The following MYO1C variants were observed in gnomAD, a reference collection of about 807,000 sequenced individuals.
The protein encoded by MYO1C is unconventional myosin-Ic.
In MYO1C, 104 loss-of-function variants were observed where a neutral mutation model predicts 150.8. The ratio of observed to expected loss-of-function variants is 0.69; its 90% CI spans 0.59 to 0.81. The LOEUF (loss-of-function observed/expected upper bound fraction) is 0.81, where lower values mean the gene tolerates loss of function less well. Ranked by LOEUF, MYO1C falls within the 30% of genes least tolerant of loss-of-function variation. The pLI is 0.00. For missense variants in MYO1C, 1,504 were observed against 1,435.0 expected (o/e 1.05, Z -0.78); for synonymous variants, 663 against 579.9 (o/e 1.14, Z -2.06).
intron 15 of MYO1C, 38 bp downstream of exon 15, chr17:1,474,900 C>G: frequency 6.2e-7 from 1 of 1,612,754 alleles, no homozygotes; most frequent in South Asian, 1.1e-5. Flanking sequence ...AGAGCCTCCC[C>G]GCAGGCCCCT....
In MYO1C at chr17:1,471,920, C is replaced by A. The variant is rs372661616; in HGVS notation, c.2008G>T (p.Ala670Ser). The A allele has an allele frequency of 1.9e-6, 3 of 1,614,004 alleles. No homozygotes were observed. The African/African-American group carries it at 4.0e-5, about 22-fold the overall frequency. The change falls in exon 19 of 32, where the codon GCT becomes TCT. Residue 670 changes from alanine to serine, a missense_variant. Coordinates refer to ENST00000648651, the MANE Select transcript of MYO1C (RefSeq NM_001080779.2). ...AGFAYRRKYE[A>S]FLQRYKSLCP... ...ACCTGCCCCCACCTTTGCAGGAAAG[C>A]TTCGTATTTGCGGCGATAGGCAAAG...
At chr17:1,469,762 C>T (rs774905395) in intron 24 of MYO1C, 148 bp from the exon 25 acceptor site, 26 of 755,962 alleles carry the variant, frequency 3.4e-5, no homozygotes, top group Non-Finnish European at 4.7e-5. Context: ...CGGCAGGGCG[C>T]GGTGGCTCAC....
Position 1,471,086 on chromosome 17 carries a change from G to C in MYO1C, c.2197C>G (p.Arg733Gly). 1 of 1,614,108 alleles carries C rather than the reference G, an allele frequency of 6.2e-7. No individual in the cohort carries two copies. Among genetic ancestry groups the C allele is most frequent in the Non-Finnish European group, 8.5e-7 (1 of 1,179,984 alleles). ...LFATEDALEV[R>G]RQSLATKIQA... Reference sequence around the variant, plus strand: ...TCTCTCTCACCCAGGCTCTGCCGCCGGACCTCCAGGGCATCCTCTGTGGCA... The same window carrying C: ...TCTCTCTCACCCAGGCTCTGCCGCCCGACCTCCAGGGCATCCTCTGTGGCA... Residue 733 changes from arginine to glycine, a missense_variant, in exon 21 of 32, where the codon CGG becomes GGG. Coordinates refer to ENST00000648651, the MANE Select transcript of MYO1C (RefSeq NM_001080779.2).
intron 31 of MYO1C, among the ~76,000 whole-genome samples, 197 bp from the exon 32 acceptor site, chr17:1,465,949 G>A (rs1439544490): frequency 6.6e-6 from 1 of 151,720 alleles, no homozygotes. Context: ...TTACAGGCGT[G>A]AGCCGCCGCA....
Position 1,479,610 on chromosome 17 carries a change from C to T in MYO1C, c.1002G>A (p.Gln334=), listed in dbSNP as rs776628841. 3.1e-6 allele frequency: 5 copies of T among 1,613,190 alleles called. No individual in the cohort carries two copies. Among genetic ancestry groups the T allele is most frequent in the East Asian group, 4.5e-5 (2 of 44,868 alleles). Residue 334 remains glutamine, a synonymous_variant, in exon 8 of 32, where the codon CAG becomes CAA. Coordinates refer to ENST00000648651, the MANE Select transcript of MYO1C (RefSeq NM_001080779.2). This position sits in a 1 kb window ranked among gnomAD's most constrained non-coding sequence, Gnocchi z 4.2. ...ESNAQVTTEN[Q]LKYLTRLLSV... ...CACTCACCCTGGTCAGATACTTGAG[C>T]TGGTTCTCGGTGGTGACCTGGGCAT...
chr17:1,489,036 G>T lies in MYO1C; in HGVS notation c.75+3377C>A, dbSNP rs1055669888. On this transcript the variant is annotated intron_variant, in intron 1 of 31. Coordinates refer to ENST00000648651, the MANE Select transcript of MYO1C (RefSeq NM_001080779.2). ...CTTGCCATGGGGTAGGGGTGTTGGG[G>T]GCTGGGAGGAGGTGTCATCTGAGGC... Among the ~76,000 whole-genome samples the T allele has an allele frequency of 2.0e-5, 3 of 152,162 alleles. No individual in the cohort carries two copies. The South Asian group carries it at 6.2e-4, about 32-fold the overall frequency.
rs1407804129 is a variant in MYO1C at position 1,470,260 on chromosome 17, G to C, written c.2441C>G (p.Thr814Ser). The C allele has an allele frequency of 2.5e-6, 4 of 1,605,376 alleles. No individual in the cohort carries two copies. Among genetic ancestry groups the C allele is most frequent in the Non-Finnish European group, 3.4e-6 (4 of 1,176,560 alleles). ...CCGCCTCAGGTTTAGCAAAAAAGAGGTGCGCACATGGTCCAGGAAGAAGGC... is the reference window on the plus strand; with the variant it reads ...CCGCCTCAGGTTTAGCAAAAAAGAGCTGCGCACATGGTCCAGGAAGAAGGC... ...ENAFFLDHVR[T>S]SFLLNLRRQL... The change falls in exon 24 of 32, where the codon ACC becomes AGC. Residue 814 changes from threonine to serine, a missense_variant. Transcript: ENST00000648651.
At chr17:1,477,259 A>G (rs2150949806) in intron 14 of MYO1C, 1 of 537,844 alleles carries the variant, frequency 1.9e-6, no homozygotes, top group South Asian at 2.2e-5. Flanking sequence ...GCTCACTGCA[A>G]CCTCAAAACT....
intron 1 of MYO1C, chr17:1,485,357 T>TGGCCTGGGGTGTCACTCAGGGCCC: frequency 1.9e-6 from 2 of 1,076,046 alleles, no homozygotes; most frequent in Non-Finnish European, 2.3e-6. Context: ...CCCAGATTTC[T>TGGCCTGGGGTGTCACTCAGGGCCC]GGCCGGGGGC....
At position 1,467,913 on chromosome 17, in the gene MYO1C, G is replaced by A. The variant is rs987440363; in HGVS notation, c.2897-3C>T. 6.2e-7 allele frequency: 1 copy of A among 1,612,244 alleles called. No homozygotes were observed. The highest frequency in any genetic ancestry group is 1.3e-5 in the African/African-American group (1 of 74,322). ...GCTCAGGCTGCTGACAGAGATTCCTGAGGGGAGAGGGCAAAGGTCAGAGGT... is the reference window on the plus strand; with the variant it reads ...GCTCAGGCTGCTGACAGAGATTCCTAAGGGGAGAGGGCAAAGGTCAGAGGT... On this transcript the variant is annotated splice_polypyrimidine_tract_variant and splice_region_variant and intron_variant, in intron 28 of 31. Transcript: ENST00000648651.
Position 1,464,838 on chromosome 17 carries a change from A to C in MYO1C, c.*888T>G, listed in dbSNP as rs1299027757. 1 of 143,878 alleles carries C rather than the reference A, an allele frequency of 7.0e-6. No homozygotes were observed. The highest frequency in any genetic ancestry group is 1.5e-5 in the Non-Finnish European group (1 of 66,630). The allele number at this position is 143,878 out of a possible 1,614,324, so 8.9% of individuals were successfully genotyped here. ...TTCTTTTTTTTTTTTTTTAAGACGG[A>C]GTCTCGCTCTGTTGCCCAGGCTGGA... is the stretch of plus-strand genomic sequence containing the variant. On this transcript the variant is annotated 3_prime_UTR_variant, in exon 32 of 32. Transcript: ENST00000648651.
Position 1,469,489 on chromosome 17 carries a change from T to A in MYO1C, c.2610+42A>T, listed in dbSNP as rs2074253874. Reference sequence around the variant, plus strand: ...CCTTTGAGCAATGCTTGCGACTCCCTGACTCCACTTCCTCATCCTCACCCA... The same window carrying A: ...CCTTTGAGCAATGCTTGCGACTCCCAGACTCCACTTCCTCATCCTCACCCA... On this transcript the variant is annotated intron_variant, in intron 25 of 31. Transcript: ENST00000648651. The A allele has an allele frequency of 9.8e-6, 15 of 1,531,436 alleles. No homozygotes were observed. The South Asian group carries it at 1.7e-4, about 18-fold the overall frequency. The allele number at this position is 1,531,436 out of a possible 1,614,324, so 94.9% of individuals were successfully genotyped here.
rs1250506410 is a variant in MYO1C, at chr17:1,482,908, C to T, written c.499G>A (p.Gly167Arg). 8 of 1,611,824 alleles carry T rather than the reference C, an allele frequency of 5.0e-6. No homozygotes were observed. The highest frequency in any genetic ancestry group is 4.5e-5 in the East Asian group (2 of 44,858). The change falls in exon 4 of 32, where the codon GGA becomes AGA. Residue 167 changes from glycine to arginine, a missense_variant. Transcript: ENST00000648651. The stretch of plus-strand genomic sequence containing the variant: ...AGCAGCCGGTCCCGCACGGCACCTC[C>T]GCGCTCGGGGGCTGGGCAGGTCTCT... ...YAETCPAPER[G>R]GAVRDRLLQS...
chr17:1,489,383 A>G (rs903169480), intron 1 of MYO1C, among the ~76,000 whole-genome samples: 1 of 152,220 alleles, frequency 6.6e-6, no homozygotes, highest in Non-Finnish European at 1.5e-5. Flanking sequence ...AGCAAACGTG[A>G]ACAGAGGCAA....
chr17:1,471,421 G>A, intron 19 of MYO1C, 85 bp from the exon 20 acceptor site: 2 of 1,129,818 alleles, frequency 1.8e-6, no homozygotes, highest in Non-Finnish European at 1.3e-6. Flanking sequence ...GCACCTGCTG[G>A]GTGCTCCCAC....
rs1023168912 is a variant in MYO1C at position 1,470,604 on chromosome 17, C to T, written c.2281+17G>A. The T allele has an allele frequency of 1.7e-5, 28 of 1,610,096 alleles. No homozygotes were observed. The highest frequency in any genetic ancestry group is 1.9e-5 in the Non-Finnish European group (22 of 1,178,578). Reference sequence around the variant, plus strand: ...CCCCAGACCCCGCCCCTCCTGAACACCCATGGGCCCGCGAACCTGATCTCT... The same window carrying T: ...CCCCAGACCCCGCCCCTCCTGAACATCCATGGGCCCGCGAACCTGATCTCT... On this transcript the variant is annotated intron_variant, in intron 22 of 31. Transcript: ENST00000648651.
At position 1,469,515 on chromosome 17, in the gene MYO1C, G is replaced by T; in HGVS notation, c.2610+16C>A. 1 of 1,597,062 alleles carries T rather than the reference G, an allele frequency of 6.3e-7. No individual in the cohort carries two copies. Among genetic ancestry groups the T allele is most frequent in the Non-Finnish European group, 8.5e-7 (1 of 1,169,798 alleles). On this transcript the variant is annotated intron_variant, in intron 25 of 31. Transcript: ENST00000648651. ...GACTCCACTTCCTCATCCTCACCCA[G>T]CCCCGCTCTCCGTACCTGCTGCTTC... is the stretch of plus-strand genomic sequence containing the variant.
chr17:1,467,801 C>A (rs780708656), intron 29 of MYO1C, 39 bp downstream of exon 29: 2 of 999,656 alleles, frequency 2.0e-6, no homozygotes, highest in East Asian at 2.6e-5. Context: ...ATCTACCTCC[C>A]CCATCCCCCA....
At position 1,471,100 on chromosome 17, in the gene MYO1C, T is replaced by C. The variant is rs771875167; in HGVS notation, c.2183A>G (p.Asp728Gly). Residue 728 changes from aspartate to glycine, a missense_variant, in exon 21 of 32, where the codon GAT becomes GGT. Physicochemically the swap from Asp to Gly is moderately conservative, Grantham distance 94. Coordinates refer to ENST00000648651, the MANE Select transcript of MYO1C (RefSeq NM_001080779.2). ...RFPKTLFATEDALEVRRQSLA... is the reference protein window; with the variant it reads ...RFPKTLFATEGALEVRRQSLA... ...GCTCTGCCGCCGGACCTCCAGGGCA[T>C]CCTCTGTGGCAAACAGGGTCTTGGG... is the stretch of plus-strand genomic sequence containing the variant. 1 of 1,614,122 alleles carries C rather than the reference T, an allele frequency of 6.2e-7. No individual in the cohort carries two copies. The highest frequency in any genetic ancestry group is 8.5e-7 in the Non-Finnish European group (1 of 1,179,992).
Sources: gnomAD v4.1 joint callset for allele counts (sites outside exome capture counted in the v4.1 genomes callset) on GRCh38, gnomAD v4.1.1 for gene constraint, Gnocchi (gnomAD v3.1) non-coding constraint, MANE v1.5 for transcripts, NCBI Gene and HGNC (gene_info 2026-07-23, HGNC 2026-07-21) for gene names.